NDE1: variants seen among roughly 807,000 people sequenced by gnomAD.
The protein encoded by NDE1 is nuclear distribution protein nudE homolog 1.
Under a neutral mutation model 43.4 loss-of-function variants are expected in NDE1, and 28 were observed. The observed-to-expected ratio is 0.65, with a 90% confidence interval of 0.48 to 0.89. The LOEUF (loss-of-function observed/expected upper bound fraction) is 0.89. NDE1 is among the 40% of genes least tolerant of loss of function. The pLI, the probability that NDE1 is intolerant of heterozygous loss-of-function variation, is 0.00. For synonymous variants in NDE1, 184 were observed against 172.0 expected (o/e 1.07, Z -0.55); for missense variants, 441 against 434.1 (o/e 1.02, Z -0.14).
At chr16:15,680,193 CTT>C (rs1012686222) in intron 4 of NDE1, among the ~76,000 whole-genome samples, 24 of 152,254 alleles carry the variant, frequency 1.6e-4, no homozygotes, top group African/African-American at 5.1e-4. Context: ...GCTGAAATCT[CTT>C]TGCTTTTTTT....
rs2040439329 is a variant in NDE1, at chr16:15,720,961, C to T, written c.948-3230C>T. ...AGCCGCAGTTTGGCGTCCTCCGTGGCTTGCAGCTCGTCCTCCAGCTCTTCC... is the reference window on the plus strand; with the variant it reads ...AGCCGCAGTTTGGCGTCCTCCGTGGTTTGCAGCTCGTCCTCCAGCTCTTCC... On this transcript the variant is annotated intron_variant, in intron 8 of 8. Transcript: ENST00000396354. 1 of 1,614,084 alleles carries T rather than the reference C, an allele frequency of 6.2e-7. No individual in the cohort carries two copies.
At chr16:15,721,791 G>A in intron 8 of NDE1, 1 of 731,188 alleles carries the variant, frequency 1.4e-6, no homozygotes. Context: ...TAATCATCTG[G>A]CGTTCTGACT....
In NDE1 at chr16:15,704,029, G is replaced by A. The variant is rs772155686; in HGVS notation, c.947+7169G>A. The stretch of plus-strand genomic sequence containing the variant: ...TTGGTTCCATTGAAGTCTGCGTCTC[G>A]AGTGTCCGTTTCCTCCTCAGAACCA... On this transcript the variant is annotated intron_variant, in intron 8 of 8. Transcript: ENST00000396354. 5 of 1,614,018 alleles carry A rather than the reference G, an allele frequency of 3.1e-6. No individual in the cohort carries two copies. The highest frequency in any genetic ancestry group is 4.5e-5 in the East Asian group (2 of 44,870).
chr16:15,723,153 G>C (rs775343356), intron 8 of NDE1, among the ~76,000 whole-genome samples: 2 of 152,128 alleles, frequency 1.3e-5, no homozygotes, highest in Admixed American at 6.6e-5. Context: ...TCATACAGGG[G>C]TCTCCATTTA....
intron 1 of NDE1, among the ~76,000 whole-genome samples, chr16:15,660,704 G>C (rs978145015): frequency 6.6e-6 from 1 of 152,102 alleles, no homozygotes; most frequent in African/African-American, 2.4e-5. Context: ...CACACCGCCA[G>C]TGACCGACTT....
At chr16:15,701,164 G>T (rs369119616) in intron 8 of NDE1, 1 of 151,832 alleles carries the variant, frequency 6.6e-6, no homozygotes, top group Admixed American at 6.6e-5. Flanking sequence ...TTGGACCCGG[G>T]AGGTGGAGGG....
At chr16:15,649,279 T>TCTG (rs2036395994), upstream of NDE1, 2 of 152,354 alleles carry the variant, frequency 1.3e-5, no homozygotes, top group Admixed American at 1.3e-4. Context: ...TTCTAAACGT[T>TCTG]TTTACAAATG....
At chr16:15,699,777 A>G (rs780800159) in intron 8 of NDE1, 8 of 1,351,546 alleles carry the variant, frequency 5.9e-6, no homozygotes, top group East Asian at 4.5e-5. Context: ...ACATGTCTTC[A>G]TCGCCGCTGC....
chr16:15,701,237 CAAAA>C (rs34788809), intron 8 of NDE1: 3 of 136,710 alleles, frequency 2.2e-5, no homozygotes, highest in East Asian at 2.2e-4. Flanking sequence ...ACTCCGTCTC[CAAAA>C]AAAAAAAAAA....
At chr16:15,712,467 G>A (rs2039858791) in intron 8 of NDE1, among the ~76,000 whole-genome samples, 1 of 152,106 alleles carries the variant, frequency 6.6e-6, no homozygotes, top group South Asian at 2.1e-4. Flanking sequence ...GGGCAACATG[G>A]TGCAACCCCA....
rs757375128 is a variant in NDE1 at position 15,720,348 on chromosome 16, G to A, written c.948-3843G>A. On this transcript the variant is annotated intron_variant, in intron 8 of 8. Transcript: ENST00000396354. The stretch of plus-strand genomic sequence containing the variant: ...AATAGAGATGTGTGCTGCCCCACTT[G>A]CCCCTGGGAGGTCCTTTGGCTCACC... 3.1e-6 allele frequency: 5 copies of A among 1,600,942 alleles called. No homozygotes were observed. In the East Asian group the frequency reaches 6.8e-5, roughly 22 times the overall value.
rs1218187537 is a variant in NDE1, at chr16:15,724,528, G to A, written c.*277G>A. The A allele has an allele frequency of 2.5e-6, 4 of 1,605,860 alleles. No homozygotes were observed. Among genetic ancestry groups the A allele is most frequent in the Non-Finnish European group, 3.4e-6 (4 of 1,175,644 alleles). On this transcript the variant is annotated 3_prime_UTR_variant, in exon 9 of 9. Coordinates refer to ENST00000396354, the MANE Select transcript of NDE1 (RefSeq NM_017668.3). Reference sequence around the variant, plus strand: ...CCTCGTTGGAGAAACCCAATAGCAGGGGAAGCTGGGGGGTCAAGCACCATC... The same window carrying A: ...CCTCGTTGGAGAAACCCAATAGCAGAGGAAGCTGGGGGGTCAAGCACCATC...
chr16:15,719,633 A>G (rs771470733), intron 8 of NDE1: 1 of 1,614,094 alleles, frequency 6.2e-7, no homozygotes, highest in Non-Finnish European at 8.5e-7. Flanking sequence ...CTTTCTTCTC[A>G]TTCTCTTTGG....
At chr16:15,665,467 C>T (rs2037254854) in intron 2 of NDE1, among the ~76,000 whole-genome samples, 2 of 151,148 alleles carry the variant, frequency 1.3e-5, no homozygotes, top group Non-Finnish European at 2.9e-5. Context: ...TTTTTTGAGA[C>T]AGAGTCTCAC....
At chr16:15,694,300 T>C (rs1311416755) in intron 7 of NDE1, 44 bp downstream of exon 7, 3 of 1,602,160 alleles carry the variant, frequency 1.9e-6, no homozygotes, top group Non-Finnish European at 2.6e-6. Context: ...CCTGCCTGTC[T>C]TTCAGGATGT....
In NDE1 at chr16:15,724,114, C is replaced by T. The variant is rs201124471; in HGVS notation, c.948-77C>T. Reference sequence around the variant, plus strand: ...GTCATACTCTGCAGAGCTGATTCCCCAACCCAGCGTCCATGGCCAGAGTGG... The same window carrying T: ...GTCATACTCTGCAGAGCTGATTCCCTAACCCAGCGTCCATGGCCAGAGTGG... On this transcript the variant is annotated intron_variant, in intron 8 of 8. Transcript: ENST00000396354. 4 of 1,610,204 alleles carry T rather than the reference C, an allele frequency of 2.5e-6. No individual in the cohort carries two copies. In the African/African-American group the frequency reaches 5.3e-5, roughly 22 times the overall value.
At chr16:15,724,022 G>A in intron 8 of NDE1, 169 bp from the exon 9 acceptor site, 2 of 1,453,796 alleles carry the variant, frequency 1.4e-6, no homozygotes, top group Non-Finnish European at 1.9e-6. Flanking sequence ...CCCAAGACAA[G>A]ATAAGACAGC....
At chr16:15,693,183 T>G (rs1452299660) in intron 6 of NDE1, among the ~76,000 whole-genome samples, 5 of 152,080 alleles carry the variant, frequency 3.3e-5, no homozygotes, top group Non-Finnish European at 7.4e-5. Flanking sequence ...TTTTGTATTT[T>G]TAGTAGAAAC....
In NDE1 at chr16:15,673,488, C is replaced by T. The variant is rs35926516; in HGVS notation, c.238-4313C>T. ...CCAAGTAGCTGGAACTACAGCCGTG[C>T]ACCACTATGCCGGGCTAATTTTTGT... is the stretch of plus-strand genomic sequence containing the variant. On this transcript the variant is annotated intron_variant, in intron 3 of 8. Transcript: ENST00000396354. Among the ~76,000 whole-genome samples the T allele has an allele frequency of 9.7e-3, 1,482 of 152,046 alleles. 17 individuals are homozygous for T. Among genetic ancestry groups the T allele is most frequent in the South Asian group, 0.026 (123 of 4,818 alleles).
Sources: gnomAD v4.1 joint callset for allele counts (sites outside exome capture counted in the v4.1 genomes callset) on GRCh38, gnomAD v4.1.1 for gene constraint, MANE v1.5 for transcripts, NCBI Gene and HGNC (gene_info 2026-07-23, HGNC 2026-07-21) for gene names.